The following FSTL5 variants were observed in gnomAD, a reference collection of about 807,000 sequenced individuals.
The protein encoded by FSTL5 is follistatin like 5, also known as follistatin-related protein 5.
FSTL5 carries 62 observed loss-of-function variants against 89.1 expected under a neutral mutation model. The observed-to-expected ratio is 0.70, with a 90% confidence interval of 0.57 to 0.86. FSTL5 has a LOEUF of 0.86. Ranked by LOEUF, FSTL5 falls within the 40% of genes least tolerant of loss-of-function variation. The pLI is 0.00. For synonymous variants in FSTL5, 383 were observed against 346.2 expected (o/e 1.11, Z -1.18); for missense variants, 1,057 against 1,001.6 (o/e 1.06, Z -0.75).
chr4:161,631,349 C>T (rs77629207), intron 7 of FSTL5, among the ~76,000 whole-genome samples: 4,030 of 152,204 alleles, frequency 0.026, 70 homozygotes, highest in Non-Finnish European at 0.038. Context: ...CGGCCCGGCA[C>T]GGTCATGCCT....
At chr4:161,919,890 G>T (rs1230364868) in intron 4 of FSTL5, among the ~76,000 whole-genome samples, 2 of 152,108 alleles carry the variant, frequency 1.3e-5, no homozygotes, top group African/African-American at 4.8e-5. Flanking sequence ...ATTTAACTAT[G>T]GTTATCTCTG....
chr4:161,593,757 C>T (rs1177648824), intron 7 of FSTL5, among the ~76,000 whole-genome samples: 1 of 152,070 alleles, frequency 6.6e-6, no homozygotes, highest in African/African-American at 2.4e-5. Flanking sequence ...CATGGTGCCA[C>T]TCTCACTGAT....
intron 3 of FSTL5, among the ~76,000 whole-genome samples, chr4:161,933,824 C>G (rs1734358490): frequency 6.6e-6 from 1 of 151,886 alleles, no homozygotes; most frequent in Non-Finnish European, 1.5e-5. Context: ...CTTACTATGT[C>G]TCCTTTTAGC....
intron 13 of FSTL5, among the ~76,000 whole-genome samples, chr4:161,462,656 T>C (rs573318286): frequency 1.3e-5 from 2 of 152,256 alleles, no homozygotes; most frequent in Admixed American, 6.5e-5. Context: ...GGTGAGATAG[T>C]AAAGTACTTA....
intron 1 of FSTL5, among the ~76,000 whole-genome samples, chr4:162,129,571 C>T (rs565367672): frequency 6.6e-6 from 1 of 152,286 alleles, no homozygotes; most frequent in East Asian, 1.9e-4. Flanking sequence ...AGAGAAGGGA[C>T]TTAAGCCTTG....
chr4:161,516,025 T>C (rs1730815610), intron 10 of FSTL5, among the ~76,000 whole-genome samples: 1 of 151,138 alleles, frequency 6.6e-6, no homozygotes, highest in Admixed American at 6.6e-5. Flanking sequence ...TGCATGTGCG[T>C]GTGTGCATGA....
chr4:161,413,546 C>T (rs1370399437), intron 15 of FSTL5, among the ~76,000 whole-genome samples: 2 of 152,046 alleles, frequency 1.3e-5, no homozygotes, highest in East Asian at 1.9e-4. Context: ...ACAGAGCTAC[C>T]GTTTTATCCA....
At chr4:161,448,491 G>A (rs1733033928) in intron 15 of FSTL5, among the ~76,000 whole-genome samples, 1 of 152,012 alleles carries the variant, frequency 6.6e-6, no homozygotes, top group Admixed American at 6.6e-5. Context: ...AAAATATGGG[G>A]GAGAATGATA....
intron 3 of FSTL5, among the ~76,000 whole-genome samples, chr4:161,933,573 AG>A (rs1183991788): frequency 1.3e-5 from 2 of 151,916 alleles, no homozygotes; most frequent in Non-Finnish European, 2.9e-5. Context: ...GAGAAAAAAA[AG>A]CTTCCTAATA....
At chr4:161,885,868 G>T (rs772553608) in intron 4 of FSTL5, among the ~76,000 whole-genome samples, 25 of 152,054 alleles carry the variant, frequency 1.6e-4, no homozygotes, top group Non-Finnish European at 1.9e-4. Flanking sequence ...TTAGATTTGG[G>T]TTGGTTAGAT....
In FSTL5 at chr4:161,711,820, A is replaced by G. The variant is rs80327017; in HGVS notation, c.727+47591T>C. ...ATCTCATGAATCTGAGGTTGGGTCA[A>G]CATCTTAAAAGCAATTAGTATATAG... On this transcript the variant is annotated intron_variant, in intron 6 of 15. Transcript: ENST00000306100. 1.6e-4 allele frequency among the ~76,000 whole-genome samples: 24 copies of G among 152,340 alleles called. No individual in the cohort carries two copies. In the East Asian group the frequency reaches 2.3e-3, roughly 15 times the overall value.
At chr4:161,888,359 A>T (rs1469936104) in intron 4 of FSTL5, among the ~76,000 whole-genome samples, 1 of 152,112 alleles carries the variant, frequency 6.6e-6, no homozygotes, top group East Asian at 1.9e-4. Context: ...GAGGCCCAAG[A>T]CCAAGGAAGC....
Position 161,592,516 on chromosome 4 carries a change from A to G in FSTL5, c.895-4941T>C, listed in dbSNP as rs184771397. Reference sequence around the variant, plus strand: ...TCAACTCCTACTTATGAGTGAGAACATGTAGTGTTTGGTTTTCTGTTCTTG... The same window carrying G: ...TCAACTCCTACTTATGAGTGAGAACGTGTAGTGTTTGGTTTTCTGTTCTTG... On this transcript the variant is annotated intron_variant, in intron 7 of 15. Coordinates refer to ENST00000306100, the MANE Select transcript of FSTL5 (RefSeq NM_020116.5). Among the ~76,000 whole-genome samples, 600 of 151,756 alleles carry G rather than the reference A, an allele frequency of 4.0e-3. 3 individuals are homozygous for G. The highest frequency in any genetic ancestry group is 0.017 in the Middle Eastern group (5 of 294).
intron 6 of FSTL5, among the ~76,000 whole-genome samples, chr4:161,754,636 T>C (rs1247482069): frequency 6.6e-6 from 1 of 152,176 alleles, no homozygotes; most frequent in African/African-American, 2.4e-5. Flanking sequence ...TTCTTGGTTA[T>C]CTAGAAACTC....
At chr4:161,786,648 G>C (rs1038233481) in intron 4 of FSTL5, among the ~76,000 whole-genome samples, 14 of 152,076 alleles carry the variant, frequency 9.2e-5, no homozygotes, top group African/African-American at 3.4e-4. Flanking sequence ...TTTCAAGTAA[G>C]ACTTGGTTCT....
chr4:161,607,957 A>C (rs1734509453), intron 7 of FSTL5, among the ~76,000 whole-genome samples: 1 of 152,102 alleles, frequency 6.6e-6, no homozygotes, highest in Non-Finnish European at 1.5e-5. Context: ...TGTTACCTTT[A>C]TAACAATTTA....
At chr4:161,639,169 T>A (rs1735849659) in intron 7 of FSTL5, among the ~76,000 whole-genome samples, 1 of 152,008 alleles carries the variant, frequency 6.6e-6, no homozygotes, top group Non-Finnish European at 1.5e-5. Flanking sequence ...TAAACCACTA[T>A]AAATTTCCTC....
At chr4:161,699,482 C>A (rs763018118) in intron 6 of FSTL5, among the ~76,000 whole-genome samples, 3 of 152,110 alleles carry the variant, frequency 2.0e-5, no homozygotes, top group Admixed American at 6.6e-5. Flanking sequence ...TTTCTAGAGA[C>A]CACTGTGTTT....
At chr4:161,395,590 T>C (rs1463412702) in intron 15 of FSTL5, among the ~76,000 whole-genome samples, 1 of 152,074 alleles carries the variant, frequency 6.6e-6, no homozygotes, top group Admixed American at 6.6e-5. Context: ...ACTAATGCTG[T>C]TTAACTTGGT....
Sources: gnomAD v4.1 joint callset for allele counts (sites outside exome capture counted in the v4.1 genomes callset) on GRCh38, gnomAD v4.1.1 for gene constraint, MANE v1.5 for transcripts, NCBI Gene and HGNC (gene_info 2026-07-23, HGNC 2026-07-21) for gene names.